Variants in TBC1D22B observed in about 807,000 individuals in gnomAD.
TBC1D22B encodes chromosome 6 open reading frame 197.
In TBC1D22B, 32 loss-of-function variants were observed where a neutral mutation model predicts 69.1. That is an observed-to-expected ratio of 0.46 (90% CI 0.35 to 0.62). The LOEUF (loss-of-function observed/expected upper bound fraction) is 0.62. Among genes scored for constraint, TBC1D22B ranks in the 20% least tolerant of loss-of-function variants. The pLI, the probability that TBC1D22B is intolerant of heterozygous loss-of-function variation, is 0.00. For synonymous variants in TBC1D22B, 206 were observed against 229.8 expected, an observed-to-expected ratio of 0.90 and a Z score of 0.94; for missense variants, 462 against 630.9, an observed-to-expected ratio of 0.73 and a Z score of 2.87.
At chr6:37,312,526 C>T (rs540917319) in intron 8 of TBC1D22B, among the ~76,000 whole-genome samples, 1 of 152,278 alleles carries the variant, frequency 6.6e-6, no homozygotes, top group Admixed American at 6.5e-5. Context: ...TGTGAGTGTG[C>T]TAGACAGCTC....
Position 37,291,401 on chromosome 6 carries a change from T to G in TBC1D22B, c.982+44T>G, listed in dbSNP as rs776743617. 3 of 1,349,662 alleles carry G rather than the reference T, an allele frequency of 2.2e-6. No individual in the cohort carries two copies. In the African/African-American group the frequency reaches 4.4e-5, roughly 20 times the overall value. The allele number at this position is 1,349,662 out of a possible 1,614,324, so 83.6% of individuals were successfully genotyped here. On this transcript the variant is annotated intron_variant, in intron 8 of 12. Coordinates refer to ENST00000373491, the MANE Select transcript of TBC1D22B (RefSeq NM_017772.4). ...AAGCTGAACAAGCTATTGCTCTTTC[T>G]TATCTGCCGTCTGTCTGTTTGTTTT...
intron 1 of TBC1D22B, among the ~76,000 whole-genome samples, chr6:37,268,206 T>A (rs1157585310): frequency 6.6e-6 from 1 of 152,158 alleles, no homozygotes; most frequent in Non-Finnish European, 1.5e-5. Context: ...GATATATACT[T>A]ATTCTTGAAT....
intron 8 of TBC1D22B, among the ~76,000 whole-genome samples, chr6:37,310,083 A>G (rs978470613): frequency 2.0e-5 from 3 of 146,762 alleles, no homozygotes; most frequent in Non-Finnish European, 4.5e-5. Flanking sequence ...ATATTTAAAT[A>G]TATGTGAAAT....
intron 8 of TBC1D22B, chr6:37,295,710 A>T: frequency 2.8e-6 from 1 of 352,346 alleles, no homozygotes; most frequent in East Asian, 8.5e-5. Flanking sequence ...CTCCAAATCC[A>T]TCGATTCCCT....
chr6:37,293,914 A>G (rs1231359804), intron 8 of TBC1D22B, among the ~76,000 whole-genome samples: 1 of 152,248 alleles, frequency 6.6e-6, no homozygotes, highest in East Asian at 1.9e-4. Flanking sequence ...AACCCAGAGC[A>G]AGGCCTTAAT....
chr6:37,274,427 G>A (rs983253419), intron 2 of TBC1D22B, among the ~76,000 whole-genome samples: 3 of 152,140 alleles, frequency 2.0e-5, no homozygotes, highest in African/African-American at 7.2e-5. Flanking sequence ...TGTTACTAAG[G>A]TACTCATCAC....
At chr6:37,295,586 C>T (rs1581603671) in intron 8 of TBC1D22B, 1 of 434,752 alleles carries the variant, frequency 2.3e-6, no homozygotes, top group Non-Finnish European at 4.7e-6. Context: ...GATATTCATC[C>T]AAATAATAAG....
At chr6:37,281,673 T>C (rs1583540687) in intron 3 of TBC1D22B, among the ~76,000 whole-genome samples, 1 of 152,342 alleles carries the variant, frequency 6.6e-6, no homozygotes, top group East Asian at 1.9e-4. Context: ...CCTCCATTTA[T>C]TGCAGCCTTG....
intron 9 of TBC1D22B, 151 bp from the exon 10 acceptor site, chr6:37,313,665 T>A (rs1288533543): frequency 1.3e-6 from 1 of 754,504 alleles, no homozygotes; most frequent in Non-Finnish European, 2.3e-6. Flanking sequence ...ACACTGTTGT[T>A]CTGTAGATTT....
intron 1 of TBC1D22B, among the ~76,000 whole-genome samples, chr6:37,268,051 C>T (rs1010310411): frequency 1.3e-5 from 2 of 152,192 alleles, no homozygotes; most frequent in African/African-American, 4.8e-5. Flanking sequence ...AATCCTTTTG[C>T]CATGGTTTCT....
chr6:37,331,271 C>T lies in TBC1D22B; in HGVS notation c.*99C>T. On this transcript the variant is annotated 3_prime_UTR_variant, in exon 13 of 13. Transcript: ENST00000373491. ...CCGTGGACCCCGGCCAGGAACCACT[C>T]CTGTTGTACAAAGCTCACACCCACC... The T allele has an allele frequency of 1.5e-6, 2 of 1,294,262 alleles. No homozygotes were observed. The highest frequency in any genetic ancestry group is 2.2e-6 in the Non-Finnish European group (2 of 908,926). The allele number at this position is 1,294,262 out of a possible 1,614,324, so 80.2% of individuals were successfully genotyped here. A position where few individuals can be genotyped will look rare whatever the true frequency, so the allele number is the denominator to read the frequency against.
intron 10 of TBC1D22B, among the ~76,000 whole-genome samples, 166 bp from the exon 11 acceptor site, chr6:37,316,537 G>T (rs956916150): frequency 6.6e-6 from 1 of 152,204 alleles, no homozygotes; most frequent in African/African-American, 2.4e-5. Context: ...GTTGCTGTGA[G>T]ATGATGGAAT....
intron 7 of TBC1D22B, among the ~76,000 whole-genome samples, chr6:37,289,067 A>G (rs1011525753): frequency 6.6e-6 from 1 of 151,640 alleles, no homozygotes; most frequent in Non-Finnish European, 1.5e-5. Flanking sequence ...TTTTTTTCTC[A>G]TAATTTTTTG....
chr6:37,285,325 T>TA (rs1766972224), intron 6 of TBC1D22B, among the ~76,000 whole-genome samples: 1 of 120,240 alleles, frequency 8.3e-6, no homozygotes, highest in Non-Finnish European at 1.7e-5. Flanking sequence ...CTTTTTTTTT[T>TA]TTTTTTTTTT....
At chr6:37,273,573 A>T (rs1766568615) in intron 2 of TBC1D22B, among the ~76,000 whole-genome samples, 1 of 152,222 alleles carries the variant, frequency 6.6e-6, no homozygotes, top group African/African-American at 2.4e-5. Context: ...TCACCTGTTG[A>T]TGATATAAAA....
chr6:37,291,332 T>G lies in TBC1D22B; in HGVS notation c.957T>G (p.Phe319Leu). Residue 319 changes from phenylalanine to leucine, a missense_variant, in exon 8 of 13, where the codon TTT (phenylalanine) becomes TTG (leucine). Coordinates refer to ENST00000373491, the MANE Select transcript of TBC1D22B (RefSeq NM_017772.4). Reference sequence around the variant, plus strand: ...TTAATGACCTGGTCACTCCATTCTTTGTCGTCTTCCTCTCAGAATATGTGG... The same window carrying G: ...TTAATGACCTGGTCACTCCATTCTTGGTCGTCTTCCTCTCAGAATATGTGG... Reference protein sequence around the residue: ...QGINDLVTPFFVVFLSEYVEE... With the variant: ...QGINDLVTPFLVVFLSEYVEE... The G allele has an allele frequency of 6.2e-7, 1 of 1,612,282 alleles. No individual in the cohort carries two copies. The highest frequency in any genetic ancestry group is 8.5e-7 in the Non-Finnish European group (1 of 1,179,276).
intron 1 of TBC1D22B, among the ~76,000 whole-genome samples, chr6:37,263,896 T>C (rs1425066197): frequency 6.6e-6 from 1 of 152,208 alleles, no homozygotes; most frequent in African/African-American, 2.4e-5. Flanking sequence ...ACACTTTTTT[T>C]CTTAAATGAA....
At chr6:37,277,965 C>CAA (rs796225372) in intron 2 of TBC1D22B, among the ~76,000 whole-genome samples, 37 of 137,838 alleles carry the variant, frequency 2.7e-4, no homozygotes, top group African/African-American at 8.7e-4. Context: ...CCTTATCTCT[C>CAA]AAAAAAAAAA....
chr6:37,277,715 G>C (rs896995042), intron 2 of TBC1D22B, among the ~76,000 whole-genome samples: 4 of 151,994 alleles, frequency 2.6e-5, no homozygotes, highest in African/African-American at 7.2e-5. Context: ...TGATCCATCT[G>C]CCTCCACCTC....
Sources: gnomAD v4.1 joint callset for allele counts (sites outside exome capture counted in the v4.1 genomes callset) on GRCh38, gnomAD v4.1.1 for gene constraint, MANE v1.5 for transcripts, NCBI Gene and HGNC (gene_info 2026-07-23, HGNC 2026-07-21) for gene names.